The following SMARCA5 variants were observed in gnomAD, a reference collection of about 807,000 sequenced individuals.
SMARCA5 encodes the protein SNF2 related chromatin remodeling ATPase 5.
In SMARCA5, 18 loss-of-function variants were observed where a neutral mutation model predicts 140.4. The observed-to-expected ratio is 0.13, with a 90% confidence interval of 0.09 to 0.19. SMARCA5 has a LOEUF of 0.19. SMARCA5 is among the 10% of genes least tolerant of loss of function. The pLI is 1.00. For synonymous variants in SMARCA5, 449 were observed against 419.6 expected (o/e 1.07, Z -0.86); for missense variants, 606 against 1,276.8 (o/e 0.47, Z 8.01).
Position 143,554,997 on chromosome 4 carries a change from A to G in SMARCA5, c.*1813A>G, listed in dbSNP as rs957731893. On this transcript the variant is annotated 3_prime_UTR_variant, in exon 24 of 24. Coordinates refer to ENST00000283131, the MANE Select transcript of SMARCA5 (RefSeq NM_003601.4). ...GCCCTGCCACCACTGTGTTTGGCCA[A>G]GTTCACAAATCTGTTTTAACCTGTC... The G allele has an allele frequency of 2.1e-6, 1 of 468,156 alleles. No individual in the cohort carries two copies. Among genetic ancestry groups the G allele is most frequent in the East Asian group, 5.4e-5 (1 of 18,586 alleles). 29.0% of individuals were successfully genotyped at this position (468,156 alleles called of 1,614,324 possible).
At chr4:143,521,228 G>A (rs937068946) in intron 2 of SMARCA5, among the ~76,000 whole-genome samples, 4 of 151,918 alleles carry the variant, frequency 2.6e-5, no homozygotes. Context: ...TTTCATTTAA[G>A]TGGAATCATA....
At chr4:143,514,581 T>G in intron 1 of SMARCA5, 1 of 155,680 alleles carries the variant, frequency 6.4e-6, no homozygotes. Flanking sequence ...CCTTTTCTTC[T>G]TCCCGGTCCT....
intron 1 of SMARCA5, among the ~76,000 whole-genome samples, chr4:143,517,033 T>A (rs571484053): frequency 6.6e-6 from 1 of 152,348 alleles, no homozygotes; most frequent in African/African-American, 2.4e-5. Context: ...TTAGTTTGGT[T>A]TCATGGTTAT....
chr4:143,546,380 TC>T (rs1737526121), intron 19 of SMARCA5, among the ~76,000 whole-genome samples: 1 of 152,178 alleles, frequency 6.6e-6, no homozygotes, highest in Non-Finnish European at 1.5e-5. Flanking sequence ...TTTTTAAACA[TC>T]CTTTGGTGTT....
chr4:143,550,904 C>T (rs1737628636), intron 23 of SMARCA5, among the ~76,000 whole-genome samples: 1 of 152,080 alleles, frequency 6.6e-6, no homozygotes, highest in Non-Finnish European at 1.5e-5. Context: ...GTGCACATAT[C>T]TCTTTGATAT....
chr4:143,545,975 A>G lies in SMARCA5; in HGVS notation c.2448A>G (p.Glu816=). ...ATGCAGCACAGGCACAAAAAGAAGA[A>G]CAGCTTAAAATTGATGAAGCTGAAT... ...LPNAAQAQKE[E]QLKIDEAESL... The change falls in exon 19 of 24, where the codon GAA becomes GAG. Residue 816 remains glutamate, a synonymous_variant. Coordinates refer to ENST00000283131, the MANE Select transcript of SMARCA5 (RefSeq NM_003601.4). 2 of 1,609,384 alleles carry G rather than the reference A, an allele frequency of 1.2e-6. No homozygotes were observed. Among genetic ancestry groups the G allele is most frequent in the East Asian group, 2.2e-5 (1 of 44,828 alleles).
In SMARCA5 at chr4:143,540,263, A is replaced by G. The variant is rs562427244; in HGVS notation, c.1771-100A>G. 33 of 901,076 alleles carry G rather than the reference A, an allele frequency of 3.7e-5. No individual in the cohort carries two copies. In the South Asian group the frequency reaches 6.9e-4, roughly 19 times the overall value. The allele number at this position is 901,076 out of a possible 1,614,324, so 55.8% of individuals were successfully genotyped here. A position where few individuals can be genotyped will look rare whatever the true frequency, so the allele number is the denominator to read the frequency against. On this transcript the variant is annotated intron_variant, in intron 13 of 23. Transcript: ENST00000283131. ...GTTATTACAAATTTTTAAAAGTTTT[A>G]TATTTCAGAATATTTTAATTTTTTT...
chr4:143,525,134 A>G (rs1435498604), intron 4 of SMARCA5, among the ~76,000 whole-genome samples: 4 of 152,096 alleles, frequency 2.6e-5, no homozygotes, highest in African/African-American at 4.8e-5. Context: ...TTGGTTAGGA[A>G]CACTTGGTTT....
At position 143,527,046 on chromosome 4, in the gene SMARCA5, C is replaced by G. The variant is rs141758351; in HGVS notation, c.801+586C>G. 3.3e-5 allele frequency among the ~76,000 whole-genome samples: 5 copies of G among 152,184 alleles called. No individual in the cohort carries two copies. In the East Asian group the frequency reaches 9.7e-4, roughly 29 times the overall value. The stretch of plus-strand genomic sequence containing the variant: ...AGTTGGTTGGAAATTTAAGGAGCCA[C>G]ATTTTTAGATGAATGTGTGTAGTGG... On this transcript the variant is annotated intron_variant, in intron 6 of 23. Transcript: ENST00000283131.
rs1385129784 is a variant in SMARCA5, at chr4:143,555,177, GTT to G, written c.*1995_*1996del. The G allele has an allele frequency of 6.9e-6, 5 of 726,592 alleles. No individual in the cohort carries two copies. In the Admixed American group the frequency reaches 8.7e-5, roughly 13 times the overall value. 45.0% of individuals were successfully genotyped at this position (726,592 alleles called of 1,614,324 possible). ...CTGCCTTAGCCACCTTGGTATCGTG[GTT>G]TGGCAAAGTATTGGCCTCTACCACC... On this transcript the variant is annotated 3_prime_UTR_variant, in exon 24 of 24. Coordinates refer to ENST00000283131, the MANE Select transcript of SMARCA5 (RefSeq NM_003601.4).
At chr4:143,525,392 AGAGATTGCCTT>A (rs1326413570) in intron 4 of SMARCA5, 48 bp from the exon 5 acceptor site, 2 of 1,002,556 alleles carry the variant, frequency 2.0e-6, no homozygotes, top group African/African-American at 3.2e-5. Flanking sequence ...GCTTAGATGA[AGAGATTGCCTT>A]GTATTTCTTG....
chr4:143,540,571 A>G (rs909963962), intron 14 of SMARCA5, 76 bp downstream of exon 14: 1 of 1,394,006 alleles, frequency 7.2e-7, no homozygotes, highest in Non-Finnish European at 9.8e-7. Context: ...GTCTTAGAAG[A>G]TTCTTGTTAC....
chr4:143,553,041 A>G, intron 23 of SMARCA5, 78 bp from the exon 24 acceptor site: 1 of 1,053,858 alleles, frequency 9.5e-7, no homozygotes, highest in Non-Finnish European at 1.5e-6. Context: ...GTTATTACTA[A>G]AGTGTTATAA....
intron 9 of SMARCA5, among the ~76,000 whole-genome samples, chr4:143,532,703 C>T (rs980825494): frequency 6.7e-6 from 1 of 150,268 alleles, no homozygotes; most frequent in Non-Finnish European, 1.5e-5. Flanking sequence ...ACACCTTAAC[C>T]CCCCTTTAGG....
Position 143,537,711 on chromosome 4 carries a change from T to C in SMARCA5, c.1496-879T>C, listed in dbSNP as rs995581342. Among the ~76,000 whole-genome samples, 8 of 152,102 alleles carry C rather than the reference T, an allele frequency of 5.3e-5. No homozygotes were observed. In the East Asian group the frequency reaches 1.6e-3, roughly 30 times the overall value. ...GGGCAGATCACCTAAGGTCAAGAGT[T>C]TGAGACCAGCCTGGCCAACATGGTG... is the stretch of plus-strand genomic sequence containing the variant. On this transcript the variant is annotated intron_variant, in intron 11 of 23. Transcript: ENST00000283131.
chr4:143,529,275 C>T (rs894542667), intron 8 of SMARCA5, among the ~76,000 whole-genome samples: 1 of 152,172 alleles, frequency 6.6e-6, no homozygotes, highest in Admixed American at 6.5e-5. Flanking sequence ...TCTGAAATGG[C>T]ATAAATTGTC....
chr4:143,521,359 G>A, intron 2 of SMARCA5, 70 bp from the exon 3 acceptor site: 1 of 1,110,394 alleles, frequency 9.0e-7, no homozygotes. Flanking sequence ...ATGGAGGCAT[G>A]CTGAAACTTT....
chr4:143,536,805 C>A (rs986062446), intron 11 of SMARCA5, 127 bp downstream of exon 11: 2 of 677,924 alleles, frequency 3.0e-6, no homozygotes, highest in Non-Finnish European at 2.6e-6. Context: ...ATTAAAAAAA[C>A]CTGTTCATTA....
rs745715907 is a variant in SMARCA5 at position 143,513,971 on chromosome 4, C to G, written c.47C>G (p.Ala16Gly). The G allele has an allele frequency of 6.4e-7, 1 of 1,557,490 alleles. No homozygotes were observed. The highest frequency in any genetic ancestry group is 1.2e-5 in the South Asian group (1 of 86,118). ...CCGCCACCCCCGCCTCCCGAGAGCGCGCCTTCCAAGCCCGCAGCCTCGATC... is the reference window on the plus strand; with the variant it reads ...CCGCCACCCCCGCCTCCCGAGAGCGGGCCTTCCAAGCCCGCAGCCTCGATC... ...EPPPPPPPES[A>G]PSKPAASIAS... is the part of the protein sequence containing the mutation. Residue 16 changes from alanine (A) to glycine (G), a missense_variant, in exon 1 of 24, where the codon GCG becomes GGG. Ala to Gly is a moderately conservative substitution (Grantham distance 60, BLOSUM62 0). Coordinates refer to ENST00000283131, the MANE Select transcript of SMARCA5 (RefSeq NM_003601.4).
Sources: gnomAD v4.1 joint callset for allele counts (sites outside exome capture counted in the v4.1 genomes callset) on GRCh38, gnomAD v4.1.1 for gene constraint, MANE v1.5 for transcripts, NCBI Gene and HGNC (gene_info 2026-07-23, HGNC 2026-07-21) for gene names.